The following MPI variants were observed in gnomAD, a reference collection of about 807,000 sequenced individuals.
MPI encodes the protein mannose-6-phosphate isomerase.
MPI carries 33 observed loss-of-function variants against 40.1 expected under a neutral mutation model. The ratio of observed to expected loss-of-function variants is 0.82; its 90% CI spans 0.62 to 1.10. MPI has a LOEUF of 1.10. Among genes scored for constraint, MPI ranks in the 50% least tolerant of loss-of-function variants. The pLI is 0.00. For missense variants in MPI, 514 were observed against 524.1 expected, an observed-to-expected ratio of 0.98 and a Z score of 0.19; for synonymous variants, 187 against 207.4, an observed-to-expected ratio of 0.90 and a Z score of 0.85.
At chr15:74,894,107 T>TGTGTGTGTGTGTGTTTCTGAGCCAG (rs1555478772) in intron 5 of MPI, among the ~76,000 whole-genome samples, 3 of 60,948 alleles carry the variant, frequency 4.9e-5, no homozygotes, top group Non-Finnish European at 9.3e-5. Context: ...TGTGTGTGTG[T>TGTGTGTGTGTGTGTTTCTGAGCCAG]GGTCTCTTTC....
At chr15:74,894,552 A>T (rs1004712886) in intron 5 of MPI, among the ~76,000 whole-genome samples, 5 of 150,758 alleles carry the variant, frequency 3.3e-5, no homozygotes, top group African/African-American at 1.2e-4. Context: ...TAGCCAGGCG[A>T]GGCAGAGGTT....
chr15:74,900,204 T>A lies in MPI; in HGVS notation c.*2474T>A, dbSNP rs749308628. ...TGGGCACATTGGTGGTATTTTGGTATGTGGCCACTGGCCCTAAACAACTGA... is the reference window on the plus strand; with the variant it reads ...TGGGCACATTGGTGGTATTTTGGTAAGTGGCCACTGGCCCTAAACAACTGA... On this transcript the variant is annotated 3_prime_UTR_variant, in exon 8 of 8. Transcript: ENST00000352410. 6 of 152,264 alleles carry A rather than the reference T, an allele frequency of 3.9e-5. No individual in the cohort carries two copies. The highest frequency in any genetic ancestry group is 1.4e-4 in the African/African-American group (6 of 41,448). The allele number at this position is 152,264 out of a possible 1,614,324, so 9.4% of individuals were successfully genotyped here. A position where few individuals can be genotyped will look rare whatever the true frequency, so the allele number is the denominator to read the frequency against.
intron 5 of MPI, chr15:74,895,513 G>C (rs1314561509): frequency 6.5e-6 from 1 of 153,692 alleles, no homozygotes; most frequent in African/African-American, 2.4e-5. Flanking sequence ...GGATTGCTTG[G>C]TCCTGGACAG....
At chr15:74,890,855 C>T (rs1326265096) in intron 2 of MPI, 3 of 700,420 alleles carry the variant, frequency 4.3e-6, no homozygotes, top group South Asian at 1.6e-5. Flanking sequence ...CAGCACTCTC[C>T]TTCCCCCAAC....
At chr15:74,894,621 C>T (rs1275880241) in intron 5 of MPI, among the ~76,000 whole-genome samples, 7 of 77,374 alleles carry the variant, frequency 9.0e-5, no homozygotes, top group Middle Eastern at 6.9e-3. Flanking sequence ...GAGACTCTGT[C>T]TCAAAAAAAA....
chr15:74,896,448 G>A (rs2064820091), intron 6 of MPI, 123 bp downstream of exon 6: 1 of 1,121,856 alleles, frequency 8.9e-7, no homozygotes, highest in Non-Finnish European at 1.3e-6. Flanking sequence ...TCTGACCTCT[G>A]AGGGTTCCTG....
Position 74,899,234 on chromosome 15 carries a change from T to C in MPI, c.*1504T>C, listed in dbSNP as rs2064870096. ...GTTTCTGACCTGCAATCGTAGATCC[T>C]GTCACCACAGACTAATCACTTAGTC... On this transcript the variant is annotated 3_prime_UTR_variant, in exon 8 of 8. Transcript: ENST00000352410. The C allele has an allele frequency of 6.6e-6, 1 of 152,230 alleles. No homozygotes were observed. Among genetic ancestry groups the C allele is most frequent in the Non-Finnish European group, 1.5e-5 (1 of 68,050 alleles). The allele number at this position is 152,230 out of a possible 1,614,324, so 9.4% of individuals were successfully genotyped here. A position where few individuals can be genotyped will look rare whatever the true frequency, so the allele number is the denominator to read the frequency against.
rs1158460251 is a variant in MPI at position 74,890,725 on chromosome 15, G to A, written c.144+71G>A. On this transcript the variant is annotated intron_variant, in intron 2 of 7. Transcript: ENST00000352410. ...AGAAAGGGCCTGAGGCAAGTCATAA[G>A]AATCAGCTGGGAAGGGTGAGGCAGC... is the stretch of plus-strand genomic sequence containing the variant. The A allele has an allele frequency of 4.4e-6, 7 of 1,602,126 alleles. No homozygotes were observed. The East Asian group carries it at 1.1e-4, about 25-fold the overall frequency.
Position 74,897,122 on chromosome 15 carries a change from G to C in MPI, c.956G>C (p.Ser319Thr). The C allele has an allele frequency of 4.3e-6, 7 of 1,614,180 alleles. No homozygotes were observed. The highest frequency in any genetic ancestry group is 5.1e-6 in the Non-Finnish European group (6 of 1,180,022). Residue 319 changes from serine to threonine, a missense_variant, in exon 7 of 8, where the codon AGC (serine) becomes ACC (threonine). Transcript: ENST00000352410. ...CEMLSYTPSS[S>T]KDRLFLPTRS... ...ATGCTCAGCTATACCCCTAGCTCCA[G>C]CAAGGACAGGCTCTTTCTCCCAACA...
rs2064924840 is a variant in MPI at position 74,900,832 on chromosome 15, A to G, written c.*3102A>G. On this transcript the variant is annotated 3_prime_UTR_variant, in exon 8 of 8. Coordinates refer to ENST00000352410, the MANE Select transcript of MPI (RefSeq NM_002435.3). ...TCTCTCTGCTGTGATGCTCCTAGCTAGTAGAGTAAGTCAGCCCCCAGATAC... is the reference window on the plus strand; with the variant it reads ...TCTCTCTGCTGTGATGCTCCTAGCTGGTAGAGTAAGTCAGCCCCCAGATAC... 6.6e-6 allele frequency: 1 copy of G among 152,204 alleles called. No homozygotes were observed. Among genetic ancestry groups the G allele is most frequent in the African/African-American group, 2.4e-5 (1 of 41,448 alleles). The allele number at this position is 152,204 out of a possible 1,614,324, so 9.4% of individuals were successfully genotyped here.
At chr15:74,890,115 G>C (rs756437892) in intron 1 of MPI, 26 bp downstream of exon 1, 12 of 1,607,582 alleles carry the variant, frequency 7.5e-6, no homozygotes, top group Non-Finnish European at 9.3e-6. Flanking sequence ...GGGTGTCGGC[G>C]AGTGTGTTCG....
intron 1 of MPI, 85 bp downstream of exon 1, chr15:74,890,174 C>A: frequency 1.3e-6 from 2 of 1,566,350 alleles, no homozygotes; most frequent in African/African-American, 2.7e-5. Context: ...CAGGTTGAGT[C>A]CGCTCCTGGC....
Position 74,899,790 on chromosome 15 carries a change from G to A in MPI, c.*2060G>A, listed in dbSNP as rs971675092. On this transcript the variant is annotated 3_prime_UTR_variant, in exon 8 of 8. Transcript: ENST00000352410. ...GGCGCCTGCCACCACACCCAGCTAA[G>A]TTTTTGTATTTTTAGTAGAGACGGG... is the stretch of plus-strand genomic sequence containing the variant. 6.6e-6 allele frequency: 1 copy of A among 152,168 alleles called. No homozygotes were observed. The highest frequency in any genetic ancestry group is 2.4e-5 in the African/African-American group (1 of 41,438). 9.4% of individuals were successfully genotyped at this position (152,168 alleles called of 1,614,324 possible).
At chr15:74,890,792 T>A in intron 2 of MPI, 138 bp downstream of exon 2, 1 of 1,108,042 alleles carries the variant, frequency 9.0e-7, no homozygotes, top group Non-Finnish European at 1.3e-6. Flanking sequence ...GCTAATGGAC[T>A]AGATAGTGTT....
At position 74,897,944 on chromosome 15, in the gene MPI, C is replaced by A. The variant is rs2064847650; in HGVS notation, c.*214C>A. ...GGGAGGAGAGGCCCGTGTGAGGGGT[C>A]TGATACTCCCTTTGTCTTCCCTCTC... On this transcript the variant is annotated 3_prime_UTR_variant, in exon 8 of 8. Transcript: ENST00000352410. 8.0e-6 allele frequency: 5 copies of A among 626,032 alleles called. No homozygotes were observed. The highest frequency in any genetic ancestry group is 1.5e-5 in the Non-Finnish European group (5 of 343,114). The allele number at this position is 626,032 out of a possible 1,614,324, so 38.8% of individuals were successfully genotyped here.
At chr15:74,894,788 GAA>G (rs898969710) in intron 5 of MPI, among the ~76,000 whole-genome samples, 1 of 130,358 alleles carries the variant, frequency 7.7e-6, no homozygotes. Flanking sequence ...CTCCGATTCG[GAA>G]AAAAAAAAAA....
Position 74,894,077 on chromosome 15 carries a change from TGTGTGTGTGTGTGTGTGTGTG to T in MPI, c.670+758_670+778del, listed in dbSNP as rs1478051559. The stretch of plus-strand genomic sequence containing the variant: ...GTGTGTGTGTGTGTGTGTGTGTGTG[TGTGTGTGTGTGTGTGTGTGTG>T]TGTGTGTGTGGTCTCTTTCTGTTGC... On this transcript the variant is annotated intron_variant, in intron 5 of 7. Coordinates refer to ENST00000352410, the MANE Select transcript of MPI (RefSeq NM_002435.3). 6.6e-3 allele frequency among the ~76,000 whole-genome samples: 405 copies of T among 61,346 alleles called. 19 individuals carry two copies. The highest frequency in any genetic ancestry group is 0.028 in the South Asian group (59 of 2,080). The allele number at this position is 61,346 out of a possible 152,430, so 40.2% of individuals were successfully genotyped here.
Position 74,892,809 on chromosome 15 carries a change from T to G in MPI, c.487+7T>G. On this transcript the variant is annotated splice_region_variant and intron_variant, in intron 4 of 7. Transcript: ENST00000352410. Reference sequence around the variant, plus strand: ...ATTGTAACCTTTCTAAAGAGTAAGTTGGGCAGAATGCTGAAGGCATGCGTA... The same window carrying G: ...ATTGTAACCTTTCTAAAGAGTAAGTGGGGCAGAATGCTGAAGGCATGCGTA... The G allele has an allele frequency of 6.2e-7, 1 of 1,614,228 alleles. No homozygotes were observed. Among genetic ancestry groups the G allele is most frequent in the Non-Finnish European group, 8.5e-7 (1 of 1,180,030 alleles).
intron 6 of MPI, chr15:74,896,699 G>A (rs1429444574): frequency 3.3e-6 from 2 of 608,238 alleles, no homozygotes; most frequent in African/African-American, 3.7e-5. Flanking sequence ...GCCATGGAAG[G>A]ATGCCACCTT....
Sources: gnomAD v4.1 joint callset for allele counts (sites outside exome capture counted in the v4.1 genomes callset) on GRCh38, gnomAD v4.1.1 for gene constraint, MANE v1.5 for transcripts, NCBI Gene and HGNC (gene_info 2026-07-23, HGNC 2026-07-21) for gene names.